MYRIP: variants seen among roughly 807,000 people sequenced by gnomAD.
The protein encoded by MYRIP is myosin VIIA and Rab interacting protein, also known as rab effector MyRIP.
Under a neutral mutation model 98.0 loss-of-function variants are expected in MYRIP, and 49 were observed. The observed-to-expected ratio is 0.50, with a 90% CI of 0.40 to 0.63. The LOEUF (loss-of-function observed/expected upper bound fraction) is 0.63, where lower values mean the gene tolerates loss of function less well. Among genes scored for constraint, MYRIP ranks in the 30% least tolerant of loss-of-function variants. The pLI is 0.00. For missense variants in MYRIP, 1,004 were observed against 1,058.2 expected (o/e 0.95, Z 0.71); for synonymous variants, 404 against 409.5 (o/e 0.99, Z 0.16).
chr3:39,895,935 G>A (rs73829707), intron 1 of MYRIP, among the ~76,000 whole-genome samples: 7,287 of 152,056 alleles, frequency 0.048, 413 homozygotes, highest in African/African-American at 0.14. Flanking sequence ...GTGTGTGTGT[G>A]TGCGCGTGCA....
At chr3:40,245,332 C>T (rs114010015) in intron 13 of MYRIP, among the ~76,000 whole-genome samples, 1 of 152,154 alleles carries the variant, frequency 6.6e-6, no homozygotes, top group African/African-American at 2.4e-5. Flanking sequence ...TTCTTGGGAC[C>T]CATGACAATT....
At chr3:39,964,230 GA>G (rs1299259532) in intron 2 of MYRIP, among the ~76,000 whole-genome samples, 1 of 151,570 alleles carries the variant, frequency 6.6e-6, no homozygotes, top group Admixed American at 6.6e-5. Context: ...TTTCAATTCA[GA>G]AAAAAAACTT....
chr3:40,159,626 G>A (rs912663443), intron 4 of MYRIP, among the ~76,000 whole-genome samples: 3 of 151,910 alleles, frequency 2.0e-5, no homozygotes, highest in Non-Finnish European at 2.9e-5. Flanking sequence ...TCACTTTCAG[G>A]TACACCAATC....
intron 2 of MYRIP, among the ~76,000 whole-genome samples, chr3:39,957,725 G>A (rs185505476): frequency 1.7e-3 from 263 of 152,250 alleles, no homozygotes; most frequent in Non-Finnish European, 3.3e-3. Flanking sequence ...ATTAGAAAAG[G>A]AGGAAGTCAA....
At chr3:40,098,911 ATGTGTGTGCGTGTG>A (rs1390534827) in intron 3 of MYRIP, among the ~76,000 whole-genome samples, 1 of 134,138 alleles carries the variant, frequency 7.5e-6, no homozygotes, top group African/African-American at 2.8e-5. Context: ...GTGGGTGTGC[ATGTGTGTGCGTGTG>A]TGTGTGTGTG....
At chr3:40,036,666 A>G (rs1575484926) in intron 2 of MYRIP, among the ~76,000 whole-genome samples, 1 of 152,120 alleles carries the variant, frequency 6.6e-6, no homozygotes, top group East Asian at 1.9e-4. Flanking sequence ...CCCATTTGCA[A>G]CCAGATGCAC....
chr3:40,188,357 G>GCTACA (rs1951092746), intron 9 of MYRIP, among the ~76,000 whole-genome samples: 1 of 152,134 alleles, frequency 6.6e-6, no homozygotes, highest in African/African-American at 2.4e-5. Context: ...GCAGGGCTGT[G>GCTACA]GCTGCTACAG....
intron 3 of MYRIP, among the ~76,000 whole-genome samples, chr3:40,128,549 G>A (rs1169314686): frequency 1.3e-5 from 2 of 152,158 alleles, no homozygotes; most frequent in African/African-American, 2.4e-5. Context: ...GTGTTCCGTG[G>A]GACAGGCCAG....
rs748205947 is a variant in MYRIP, at chr3:40,166,974, G to A, written c.648+31G>A. 1.9e-6 allele frequency: 3 copies of A among 1,554,410 alleles called. No homozygotes were observed. In the Admixed American group the frequency reaches 5.0e-5, roughly 26 times the overall value. Reference sequence around the variant, plus strand: ...GCCCCTCCTGCTCCTCTCTGTGGGGGGAGGTGTGGGTTGGGGTCCTTGCTG... The same window carrying A: ...GCCCCTCCTGCTCCTCTCTGTGGGGAGAGGTGTGGGTTGGGGTCCTTGCTG... On this transcript the variant is annotated intron_variant, in intron 6 of 16. Coordinates refer to ENST00000302541, the MANE Select transcript of MYRIP (RefSeq NM_015460.4).
intron 1 of MYRIP, among the ~76,000 whole-genome samples, chr3:39,812,633 T>C (rs1940737915): frequency 6.6e-6 from 1 of 152,256 alleles, no homozygotes; most frequent in Admixed American, 6.5e-5. Context: ...TCTCATTTGA[T>C]ATATAAAAAG....
At chr3:40,054,755 A>C (rs1947850736) in intron 3 of MYRIP, among the ~76,000 whole-genome samples, 1 of 152,188 alleles carries the variant, frequency 6.6e-6, no homozygotes, top group Non-Finnish European at 1.5e-5. Context: ...TATTCCTTAA[A>C]ATAAATGTCT....
chr3:39,989,158 A>G (rs557488496), intron 2 of MYRIP, among the ~76,000 whole-genome samples: 83 of 151,920 alleles, frequency 5.5e-4, no homozygotes, highest in African/African-American at 1.7e-3. Flanking sequence ...GAGTTTGTCT[A>G]ATATTGATCT....
chr3:40,241,621 C>G (rs1312463665), intron 12 of MYRIP, among the ~76,000 whole-genome samples: 1 of 152,140 alleles, frequency 6.6e-6, no homozygotes. Context: ...ACTCTTTATT[C>G]TAGAGAATTT....
At chr3:39,973,623 T>G (rs62264386) in intron 2 of MYRIP, among the ~76,000 whole-genome samples, 1 of 152,192 alleles carries the variant, frequency 6.6e-6, no homozygotes, top group South Asian at 2.1e-4. Context: ...CACACCACAC[T>G]TATTCCAAAA....
Position 39,831,089 on chromosome 3 carries a change from G to A in MYRIP, c.-31+21173G>A, listed in dbSNP as rs74747995. Among the ~76,000 whole-genome samples the A allele has an allele frequency of 6.0e-4, 91 of 152,216 alleles. 3 individuals are homozygous for A. In the East Asian group the frequency reaches 0.018, roughly 29 times the overall value. ...ATGCACTTTCTTCACCAGGTCTCAA[G>A]GATATACTCTTGCTTTACCTTTACC... On this transcript the variant is annotated intron_variant, in intron 1 of 16. Coordinates refer to ENST00000302541, the MANE Select transcript of MYRIP (RefSeq NM_015460.4).
rs61164144 is a variant in MYRIP at position 39,840,248 on chromosome 3, C to G, written c.-31+30332C>G. Among the ~76,000 whole-genome samples the G allele has an allele frequency of 1.5e-3, 226 of 152,216 alleles. 2 individuals are homozygous for G. The highest frequency in any genetic ancestry group is 5.2e-3 in the African/African-American group (218 of 41,536). On this transcript the variant is annotated intron_variant, in intron 1 of 16. Transcript: ENST00000302541. Reference sequence around the variant, plus strand: ...AATACCTTTCCTTGTCATTTTTGATCTTTATTGGTTTAAAGTCTGTTTTAT... The same window carrying G: ...AATACCTTTCCTTGTCATTTTTGATGTTTATTGGTTTAAAGTCTGTTTTAT...
chr3:39,811,160 A>G (rs888011752), intron 1 of MYRIP, among the ~76,000 whole-genome samples: 17 of 152,100 alleles, frequency 1.1e-4, no homozygotes, highest in African/African-American at 4.1e-4. Flanking sequence ...CTCTCTTGCC[A>G]TTATCACCTT....
chr3:40,096,774 T>C (rs1559399093), intron 3 of MYRIP, among the ~76,000 whole-genome samples: 1 of 152,216 alleles, frequency 6.6e-6, no homozygotes, highest in African/African-American at 2.4e-5. Context: ...CAATGTGGCA[T>C]TGGGCAAAGG....
At chr3:39,982,238 T>C (rs1218131112) in intron 2 of MYRIP, among the ~76,000 whole-genome samples, 4 of 152,204 alleles carry the variant, frequency 2.6e-5, no homozygotes, top group African/African-American at 9.6e-5. Flanking sequence ...GTCAACTTAA[T>C]ATAATTGGTG....
Sources: allele counts gnomAD v4.1 joint callset (sites outside exome capture counted in the v4.1 genomes callset), GRCh38; gene constraint gnomAD v4.1.1; transcripts MANE v1.5; gene names NCBI Gene and HGNC (gene_info 2026-07-23, HGNC 2026-07-21).